Variants in APPL1 observed in about 807,000 individuals in gnomAD.
APPL1 encodes adaptor protein, phosphotyrosine interacting with PH domain and leucine zipper 1.
A neutral mutation model predicts 106.8 loss-of-function variants in APPL1; 42 were observed. The observed-to-expected ratio is 0.39, with a 90% confidence interval of 0.31 to 0.51. The LOEUF is 0.51. Ranked by LOEUF, APPL1 falls within the 20% of genes least tolerant of loss-of-function variation. The pLI, the probability that APPL1 is intolerant of heterozygous loss-of-function variation, is 0.75. For synonymous variants in APPL1, 263 were observed against 281.8 expected (o/e 0.93, Z 0.67); for missense variants, 769 against 858.2 (o/e 0.90, Z 1.30).
In APPL1 at chr3:57,228,231, C is replaced by A. The variant is rs1408504536; in HGVS notation, c.54+294C>A. Among the ~76,000 whole-genome samples, 4 of 152,180 alleles carry A rather than the reference C, an allele frequency of 2.6e-5. No homozygotes were observed. The highest frequency in any genetic ancestry group is 5.9e-5 in the Non-Finnish European group (4 of 68,024). ...GTCCTTTTTATTTGACGAAAGGCGCCGTTTTTATCGCGGTGATGTGAGGTG... is the reference window on the plus strand; with the variant it reads ...GTCCTTTTTATTTGACGAAAGGCGCAGTTTTTATCGCGGTGATGTGAGGTG... On this transcript the variant is annotated intron_variant, in intron 1 of 21. Transcript: ENST00000288266. This position sits in a 1 kb window ranked among gnomAD's most constrained non-coding sequence, Gnocchi z 4.6.
intron 13 of APPL1, among the ~76,000 whole-genome samples, chr3:57,255,107 C>T (rs1323782659): frequency 6.6e-6 from 1 of 152,200 alleles, no homozygotes; most frequent in Non-Finnish European, 1.5e-5. Flanking sequence ...AGTGTAGACA[C>T]AGCCACAGGT....
At chr3:57,267,866 C>A in intron 20 of APPL1, 74 bp downstream of exon 20, 1 of 1,495,842 alleles carries the variant, frequency 6.7e-7, no homozygotes, top group Non-Finnish European at 9.2e-7. Context: ...CCGAGGCGGG[C>A]AGATGACTTG....
At chr3:57,235,152 A>C (rs894122146) in intron 1 of APPL1, among the ~76,000 whole-genome samples, 3 of 152,226 alleles carry the variant, frequency 2.0e-5, no homozygotes, top group Admixed American at 2.0e-4. Context: ...AGATTAGGAC[A>C]GGAAGGGGTT....
intron 2 of APPL1, among the ~76,000 whole-genome samples, chr3:57,236,133 A>G (rs1579381208): frequency 7.0e-6 from 1 of 142,620 alleles, no homozygotes; most frequent in Non-Finnish European, 1.5e-5. Flanking sequence ...CAACCTCCAC[A>G]CCCCAGGTTC....
At chr3:57,241,067 A>G (rs963447682) in intron 5 of APPL1, among the ~76,000 whole-genome samples, 14 of 152,210 alleles carry the variant, frequency 9.2e-5, no homozygotes, top group Non-Finnish European at 1.5e-5. Context: ...CCAGAAATAG[A>G]GTAGATGGGA....
intron 13 of APPL1, among the ~76,000 whole-genome samples, chr3:57,255,441 A>G (rs1175506485): frequency 6.6e-6 from 1 of 152,218 alleles, no homozygotes; most frequent in East Asian, 1.9e-4. Context: ...TGACTAAGGT[A>G]AAGATGACTT....
chr3:57,235,471 T>C lies in APPL1; in HGVS notation c.55-95T>C, dbSNP rs1053346025. 2.7e-5 allele frequency: 19 copies of C among 698,474 alleles called. No homozygotes were observed. In the African/African-American group the frequency reaches 3.0e-4, roughly 11 times the overall value. 43.3% of individuals were successfully genotyped at this position (698,474 alleles called of 1,614,324 possible). On this transcript the variant is annotated intron_variant, in intron 1 of 21. Transcript: ENST00000288266. ...TTAAAACTCAGAATTACTAGAACTT[T>C]AATATCCTACGATTTTTGCTTCCTT...
At chr3:57,242,065 A>C in intron 5 of APPL1, 36 bp from the exon 6 acceptor site, 1 of 1,473,942 alleles carries the variant, frequency 6.8e-7, no homozygotes, top group Non-Finnish European at 9.4e-7. Context: ...TATTTCATAA[A>C]TGTGCCAAAC....
In APPL1 at chr3:57,258,462, C is replaced by T. The variant is rs138703622; in HGVS notation, c.1431-566C>T. On this transcript the variant is annotated intron_variant, in intron 15 of 21. Transcript: ENST00000288266. ...GGTGTGAGCCACAATGCCCAGCCCT[C>T]CAAAACCTACTTTGAGTTGTACTTT... 6.2e-4 allele frequency among the ~76,000 whole-genome samples: 95 copies of T among 152,300 alleles called. 1 individual carries two copies. Among genetic ancestry groups the T allele is most frequent in the Admixed American group, 1.0e-3 (16 of 15,302 alleles).
At position 57,257,318 on chromosome 3, in the gene APPL1, C is replaced by T. The variant is rs1227538211; in HGVS notation, c.1320C>T (p.Ala440=). Residue 440 remains alanine (A), a synonymous_variant, in exon 15 of 22, where the codon GCC becomes GCT. Coordinates refer to ENST00000288266, the MANE Select transcript of APPL1 (RefSeq NM_012096.3). ...GATCTGAGTCTACAAATTTGGCTGC[C>T]CTCTCTCTAGATTCTCTTGTTGCCC... ...SLGSESTNLA[A]LSLDSLVAPD... 6.2e-7 allele frequency: 1 copy of T among 1,614,002 alleles called. No homozygotes were observed. Among genetic ancestry groups the T allele is most frequent in the South Asian group, 1.1e-5 (1 of 91,058 alleles).
At chr3:57,266,507 G>C (rs1322058242) in intron 19 of APPL1, among the ~76,000 whole-genome samples, 1 of 152,114 alleles carries the variant, frequency 6.6e-6, no homozygotes, top group African/African-American at 2.4e-5. Context: ...AGCCACGAAT[G>C]ATCCTTTGAA....
At chr3:57,238,332 G>T (rs879708364) in intron 4 of APPL1, 10 of 451,706 alleles carry the variant, frequency 2.2e-5, no homozygotes, top group Non-Finnish European at 3.5e-5. Flanking sequence ...TCTTCTATAC[G>T]CAGTCCGTGC....
At position 57,238,369 on chromosome 3, in the gene APPL1, T is replaced by G. The variant is rs138892051; in HGVS notation, c.285+253T>G. Among the ~76,000 whole-genome samples, 28 of 152,354 alleles carry G rather than the reference T, an allele frequency of 1.8e-4. No individual in the cohort carries two copies. The East Asian group carries it at 5.0e-3, about 27-fold the overall frequency. On this transcript the variant is annotated intron_variant, in intron 4 of 21. Transcript: ENST00000288266. ...AACATTCAGTCTTGACATGTGTCATTTGATGTAGGCAGGGAGAGAAGAGTT... is the reference window on the plus strand; with the variant it reads ...AACATTCAGTCTTGACATGTGTCATGTGATGTAGGCAGGGAGAGAAGAGTT...
At chr3:57,266,609 T>G (rs1014480845) in intron 19 of APPL1, among the ~76,000 whole-genome samples, 1 of 152,212 alleles carries the variant, frequency 6.6e-6, no homozygotes, top group African/African-American at 2.4e-5. Flanking sequence ...CAGTTTTATC[T>G]TTTCAAAGAA....
chr3:57,257,677 C>A (rs1043041324), intron 15 of APPL1, among the ~76,000 whole-genome samples: 2 of 152,056 alleles, frequency 1.3e-5, no homozygotes, highest in African/African-American at 4.8e-5. Flanking sequence ...AGGTCTATTT[C>A]TTGGATACTT....
rs918492345 is a variant in APPL1 at position 57,228,920 on chromosome 3, C to T, written c.54+983C>T. Among the ~76,000 whole-genome samples, 2 of 152,182 alleles carry T rather than the reference C, an allele frequency of 1.3e-5. No individual in the cohort carries two copies. The highest frequency in any genetic ancestry group is 4.8e-5 in the African/African-American group (2 of 41,438). ...CGTGTGTCTTTACAGTTGAACATGG[C>T]CCCCAAAGAAGAAAAGCAGAAGAGG... is the stretch of plus-strand genomic sequence containing the variant. On this transcript the variant is annotated intron_variant, in intron 1 of 21. Transcript: ENST00000288266. This position sits in a 1 kb window ranked among gnomAD's most constrained non-coding sequence, Gnocchi z 4.6.
At chr3:57,245,977 T>G in intron 7 of APPL1, 99 bp from the exon 8 acceptor site, 1 of 776,994 alleles carries the variant, frequency 1.3e-6, no homozygotes, top group Non-Finnish European at 1.9e-6. Context: ...CTCAATTCCT[T>G]GGGTAGGCTC....
intron 9 of APPL1, among the ~76,000 whole-genome samples, chr3:57,247,849 T>C (rs1458976092): frequency 2.0e-5 from 3 of 152,172 alleles, no homozygotes; most frequent in African/African-American, 4.8e-5. Flanking sequence ...GCAGTTCTTA[T>C]CAGGTTCAAA....
intron 5 of APPL1, 24 bp downstream of exon 5, chr3:57,240,576 A>C: frequency 6.3e-7 from 1 of 1,579,768 alleles, no homozygotes; most frequent in Non-Finnish European, 8.7e-7. Context: ...GCTTATGTTT[A>C]CTTTCATTGG....
Sources: allele counts gnomAD v4.1 joint callset (sites outside exome capture counted in the v4.1 genomes callset), GRCh38; gene constraint gnomAD v4.1.1; non-coding constraint Gnocchi (gnomAD v3.1); transcripts MANE v1.5; gene names NCBI Gene and HGNC (gene_info 2026-07-23, HGNC 2026-07-21).